Variants in MITF observed in about 807,000 individuals in gnomAD.
The protein encoded by MITF is melanocyte inducing transcription factor.
MITF carries 17 observed loss-of-function variants against 60.5 expected under a neutral mutation model. The ratio of observed to expected loss-of-function variants is 0.28; its 90% CI spans 0.19 to 0.42. The LOEUF (loss-of-function observed/expected upper bound fraction) is 0.42. MITF is among the 10% of genes least tolerant of loss of function. The pLI, the probability that MITF is intolerant of heterozygous loss-of-function variation, is 1.00. For synonymous variants in MITF, 260 were observed against 248.5 expected, an observed-to-expected ratio of 1.05 and a Z score of -0.43; for missense variants, 622 against 683.5, an observed-to-expected ratio of 0.91 and a Z score of 1.00.
At chr3:69,866,099 A>C in intron 1 of MITF, 1 of 1,049,982 alleles carries the variant, frequency 9.5e-7, no homozygotes, top group East Asian at 3.0e-5. Flanking sequence ...TCCTGCAGGT[A>C]CAGTAGGTAC....
rs767834091 is a variant in MITF at position 69,796,494 on chromosome 3, C to CTTTTTTTT, written c.104+56809_104+56816dup. 1.3e-3 allele frequency among the ~76,000 whole-genome samples: 102 copies of CTTTTTTTT among 80,300 alleles called. 6 individuals carry two copies. The highest frequency in any genetic ancestry group is 4.1e-3 in the African/African-American group (94 of 22,774). 52.7% of individuals were successfully genotyped at this position (80,300 alleles called of 152,430 possible). A position where few individuals can be genotyped will look rare whatever the true frequency, so the allele number is the denominator to read the frequency against. ...TGTGAAGCTTACAAACACCGTCTTT[C>CTTTTTTTT]TTTTTTTTTTTTTTTTTTTTTTTGA... On this transcript the variant is annotated intron_variant, in intron 1 of 9. Coordinates refer to ENST00000352241, the MANE Select transcript of MITF (RefSeq NM_001354604.2).
chr3:69,792,717 G>C (rs767627439), intron 1 of MITF, among the ~76,000 whole-genome samples: 2 of 151,892 alleles, frequency 1.3e-5, no homozygotes, highest in Non-Finnish European at 2.9e-5. Context: ...CTCCAAATCA[G>C]TACATTTAGC....
At position 69,965,184 on chromosome 3, in the gene MITF, G is replaced by A. The variant is rs548265796; in HGVS notation, c.1517G>A (p.Gly506Glu). 1.9e-4 allele frequency: 313 copies of A among 1,613,704 alleles called. 2 individuals carry two copies. The South Asian group carries it at 3.2e-3, about 16-fold the overall frequency. ...CCACTCCTTTCCTCAGTGTCCCCCG[G>A]AGCTTCCAAAACAAGCAGCCGGAGG... ...TDPLLSSVSP[G>E]ASKTSSRRSS... The change falls in exon 10 of 10, where the codon GGA becomes GAA. Residue 506 changes from glycine to glutamate, a missense_variant. Physicochemically the swap from Gly to Glu is moderately conservative, Grantham distance 98. Transcript: ENST00000352241.
At chr3:69,919,992 T>G (rs2065426568) in intron 2 of MITF, among the ~76,000 whole-genome samples, 1 of 152,214 alleles carries the variant, frequency 6.6e-6, no homozygotes, top group Non-Finnish European at 1.5e-5. Flanking sequence ...TTAGATATGA[T>G]TATATATGAA....
At chr3:69,964,196 T>C (rs2066626216) in intron 9 of MITF, among the ~76,000 whole-genome samples, 1 of 152,052 alleles carries the variant, frequency 6.6e-6, no homozygotes, top group African/African-American at 2.4e-5. Flanking sequence ...CAGGCTGATC[T>C]CAAACTCCTG....
chr3:69,945,094 A>G (rs2066061624), intron 5 of MITF, among the ~76,000 whole-genome samples: 1 of 152,190 alleles, frequency 6.6e-6, no homozygotes, highest in Non-Finnish European at 1.5e-5. Context: ...TTGTACTATC[A>G]CAAACAAAGA....
chr3:69,955,049 C>T (rs149006037), intron 7 of MITF, among the ~76,000 whole-genome samples: 1 of 152,068 alleles, frequency 6.6e-6, no homozygotes, highest in South Asian at 2.1e-4. Context: ...GTCATCCTCC[C>T]CTAAGAACAT....
intron 6 of MITF, 68 bp downstream of exon 6, chr3:69,949,236 G>T: frequency 8.2e-7 from 1 of 1,226,846 alleles, no homozygotes; most frequent in South Asian, 1.2e-5. Flanking sequence ...CAAAGTTATT[G>T]ATATAGTGAT....
chr3:69,802,408 A>G (rs548758723), intron 1 of MITF, among the ~76,000 whole-genome samples: 267 of 152,298 alleles, frequency 1.8e-3, no homozygotes, highest in Non-Finnish European at 3.2e-3. Flanking sequence ...TTCTCCCTGA[A>G]GCTATTCCAT....
intron 1 of MITF, among the ~76,000 whole-genome samples, chr3:69,814,949 C>A: frequency 6.6e-6 from 1 of 152,056 alleles, no homozygotes; most frequent in East Asian, 1.9e-4. Flanking sequence ...TTCTTTTCTC[C>A]CTGGGCAAAA....
At chr3:69,743,718 G>A (rs547795417) in intron 1 of MITF, among the ~76,000 whole-genome samples, 2 of 152,326 alleles carry the variant, frequency 1.3e-5, no homozygotes, top group South Asian at 4.1e-4. Context: ...GGTGGCAGAG[G>A]AAAAGCGCTG....
At chr3:69,959,865 GC>G (rs2066497192) in intron 9 of MITF, among the ~76,000 whole-genome samples, 1 of 152,188 alleles carries the variant, frequency 6.6e-6, no homozygotes, top group African/African-American at 2.4e-5. Context: ...GGGCAAGAAG[GC>G]CGTGATGTGC....
At chr3:69,964,769 C>T in intron 9 of MITF, 78 bp from the exon 10 acceptor site, 1 of 1,311,456 alleles carries the variant, frequency 7.6e-7, no homozygotes, top group Non-Finnish European at 1.1e-6. Context: ...ATTATAGTAT[C>T]ATATAGAGTG....
At chr3:69,890,081 A>G (rs1406540986) in intron 2 of MITF, among the ~76,000 whole-genome samples, 2 of 152,154 alleles carry the variant, frequency 1.3e-5, no homozygotes, top group Admixed American at 6.6e-5. Context: ...TATTGTACCT[A>G]CAAAGTATTA....
rs964668753 is a variant in MITF at position 69,864,085 on chromosome 3, A to C, written c.105-15049A>C. Among the ~76,000 whole-genome samples, 53 of 152,352 alleles carry C rather than the reference A, an allele frequency of 3.5e-4. 1 individual carries two copies. Among genetic ancestry groups the C allele is most frequent in the African/African-American group, 1.2e-3 (51 of 41,586 alleles). ...AAATTGAGCGTTTATTATGCATCAG[A>C]GACAATGCTGAACACATTACTTGTC... is the stretch of plus-strand genomic sequence containing the variant. On this transcript the variant is annotated intron_variant, in intron 1 of 9. Coordinates refer to ENST00000352241, the MANE Select transcript of MITF (RefSeq NM_001354604.2).
chr3:69,763,828 A>C (rs565900819), intron 1 of MITF: 13 of 1,366,830 alleles, frequency 9.5e-6, no homozygotes, highest in African/African-American at 1.5e-5. Flanking sequence ...ATTCCGCTCC[A>C]TCTCTGAAGT....
chr3:69,862,492 TATG>T (rs1238190500), intron 1 of MITF, among the ~76,000 whole-genome samples: 1 of 151,972 alleles, frequency 6.6e-6, no homozygotes, highest in Non-Finnish European at 1.5e-5. Flanking sequence ...TATAAGAAAA[TATG>T]GTGTGCTCGG....
intron 1 of MITF, among the ~76,000 whole-genome samples, chr3:69,854,431 C>A (rs1180135860): frequency 6.6e-6 from 1 of 152,156 alleles, no homozygotes; most frequent in Non-Finnish European, 1.5e-5. Context: ...TACTTTAAAT[C>A]ACCTGCAGAT....
At chr3:69,757,997 A>ATGTGTGTG (rs60250386) in intron 1 of MITF, among the ~76,000 whole-genome samples, 39 of 116,052 alleles carry the variant, frequency 3.4e-4, no homozygotes, top group African/African-American at 6.7e-4. Flanking sequence ...ACCCTAGGGC[A>ATGTGTGTG]TGTGTGTGTG....
Sources: gnomAD v4.1 joint callset for allele counts (sites outside exome capture counted in the v4.1 genomes callset) on GRCh38, gnomAD v4.1.1 for gene constraint, MANE v1.5 for transcripts, NCBI Gene and HGNC (gene_info 2026-07-23, HGNC 2026-07-21) for gene names.